The following PDE4D variants were observed in gnomAD, a reference collection of about 807,000 sequenced individuals.
The protein encoded by PDE4D is 3',5'-cyclic-AMP phosphodiesterase 4D.
In PDE4D, 24 loss-of-function variants were observed where a neutral mutation model predicts 87.4. The ratio of observed to expected loss-of-function variants is 0.27; its 90% confidence interval spans 0.20 to 0.39. The LOEUF is 0.39. PDE4D is among the 10% of genes least tolerant of loss of function. The pLI is 1.00. For missense variants in PDE4D, 714 were observed against 1,041.0 expected (o/e 0.69, Z 4.32); for synonymous variants, 384 against 383.2 (o/e 1.00, Z -0.02).
chr5:60,489,113 A>C (rs1039783107), upstream of PDE4D, among the ~76,000 whole-genome samples: 2 of 152,242 alleles, frequency 1.3e-5, no homozygotes, highest in African/African-American at 4.8e-5. Flanking sequence ...AAGCAAAAAA[A>C]TATGTGAAAC....
rs1045109947 is a variant in PDE4D, at chr5:59,697,491, A to T, written c.455+195677T>A. On this transcript the variant is annotated intron_variant, in intron 1 of 14. Coordinates refer to ENST00000340635, the MANE Select transcript of PDE4D (RefSeq NM_001104631.2). ...TACTACAGGTATTCAATGAATATCT[A>T]TCAAGAATTGTTATGTTCCTGCACT... is the stretch of plus-strand genomic sequence containing the variant. Among the ~76,000 whole-genome samples, 39 of 152,202 alleles carry T rather than the reference A, an allele frequency of 2.6e-4. 1 individual carries two copies. The highest frequency in any genetic ancestry group is 9.2e-4 in the African/African-American group (38 of 41,456).
intron 1 of PDE4D, among the ~76,000 whole-genome samples, chr5:59,516,083 AACAATG>A (rs1343776634): frequency 6.6e-6 from 1 of 152,228 alleles, no homozygotes; most frequent in African/African-American, 2.4e-5. Flanking sequence ...ATAGAATGAA[AACAATG>A]ACATTTTATA....
chr5:60,126,407 T>G (rs888037937), intron 2 of PDE4D, among the ~76,000 whole-genome samples: 1 of 152,208 alleles, frequency 6.6e-6, no homozygotes, highest in Non-Finnish European at 1.5e-5. Context: ...CATAGAAATT[T>G]TATTACATAG....
intron 3 of PDE4D, among the ~76,000 whole-genome samples, chr5:59,972,927 T>TA (rs1760934519): frequency 6.6e-6 from 1 of 152,196 alleles, no homozygotes; most frequent in Admixed American, 6.5e-5. Context: ...GATGAATACT[T>TA]AGTTTCACTT....
At chr5:58,994,701 A>G (rs1332264540) in intron 6 of PDE4D, among the ~76,000 whole-genome samples, 2 of 152,176 alleles carry the variant, frequency 1.3e-5, no homozygotes, top group Non-Finnish European at 2.9e-5. Flanking sequence ...CTAACTCTAT[A>G]CCGTTTGCTA....
intron 1 of PDE4D, among the ~76,000 whole-genome samples, chr5:59,672,392 T>A (rs1307779711): frequency 1.3e-5 from 2 of 152,182 alleles, no homozygotes; most frequent in African/African-American, 4.8e-5. Context: ...AAAAAGTTTA[T>A]ATCACCCACA....
intron 1 of PDE4D, among the ~76,000 whole-genome samples, chr5:59,353,575 C>T (rs1251811358): frequency 6.6e-6 from 1 of 152,054 alleles, no homozygotes; most frequent in East Asian, 1.9e-4. Context: ...GTAAGTGGTG[C>T]CCTAATGCTA....
intron 5 of PDE4D, among the ~76,000 whole-genome samples, chr5:59,059,150 G>A (rs746090433): frequency 6.6e-6 from 1 of 152,114 alleles, no homozygotes; most frequent in Non-Finnish European, 1.5e-5. Context: ...TGTAATGATG[G>A]AACAAATTAA....
At chr5:59,436,253 T>G (rs990384583) in intron 1 of PDE4D, among the ~76,000 whole-genome samples, 2 of 152,172 alleles carry the variant, frequency 1.3e-5, no homozygotes, top group Non-Finnish European at 2.9e-5. Flanking sequence ...AAGATTTAAC[T>G]ATCATGAAGG....
chr5:59,904,962 T>C (rs545553696), intron 3 of PDE4D, among the ~76,000 whole-genome samples: 1 of 152,240 alleles, frequency 6.6e-6, no homozygotes, highest in South Asian at 2.1e-4. Context: ...CGGCAGACTC[T>C]CCAACACCTT....
intron 1 of PDE4D, among the ~76,000 whole-genome samples, chr5:59,381,438 T>C (rs892449822): frequency 6.6e-6 from 1 of 152,048 alleles, no homozygotes; most frequent in Non-Finnish European, 1.5e-5. Context: ...TTCCTCTTTA[T>C]TTTTATATAA....
At chr5:59,569,133 T>G (rs1821408815) in intron 1 of PDE4D, among the ~76,000 whole-genome samples, 1 of 152,178 alleles carries the variant, frequency 6.6e-6, no homozygotes, top group Admixed American at 6.5e-5. Flanking sequence ...CTTACTGACA[T>G]AAGCCAATAT....
At chr5:59,000,752 G>A (rs1161460267) in intron 6 of PDE4D, among the ~76,000 whole-genome samples, 3 of 152,132 alleles carry the variant, frequency 2.0e-5, no homozygotes, top group African/African-American at 7.2e-5. Context: ...GCAGTAGTGC[G>A]ATCTTGGCTC....
At chr5:59,518,193 TTGTG>T (rs34669732) in intron 1 of PDE4D, among the ~76,000 whole-genome samples, 3,814 of 149,508 alleles carry the variant, frequency 0.026, 87 homozygotes, top group African/African-American at 0.062. Flanking sequence ...ACTTGTGTGT[TTGTG>T]TGTGTGTGTG....
At chr5:60,091,068 T>C (rs1032156439) in intron 2 of PDE4D, among the ~76,000 whole-genome samples, 3 of 152,128 alleles carry the variant, frequency 2.0e-5, no homozygotes, top group African/African-American at 7.2e-5. Flanking sequence ...CCCATGCTCA[T>C]GAATTGGAAG....
At chr5:59,781,028 T>C (rs943343433) in intron 1 of PDE4D, among the ~76,000 whole-genome samples, 30 of 152,120 alleles carry the variant, frequency 2.0e-4, no homozygotes, top group Non-Finnish European at 3.8e-4. Flanking sequence ...TAGCCACATG[T>C]GCTGGCAGGT....
intron 1 of PDE4D, among the ~76,000 whole-genome samples, chr5:59,257,931 T>G (rs1005673259): frequency 6.6e-6 from 1 of 151,936 alleles, no homozygotes; most frequent in Non-Finnish European, 1.5e-5. Flanking sequence ...TCAGGTCAGA[T>G]ATGTACAGAA....
chr5:58,977,015 TGAAAA>T (rs1228452384), intron 12 of PDE4D, among the ~76,000 whole-genome samples, 171 bp downstream of exon 12: 1 of 152,158 alleles, frequency 6.6e-6, no homozygotes, highest in East Asian at 1.9e-4. Context: ...CTGCTAGAAG[TGAAAA>T]ACCTATTACA....
chr5:59,557,449 GC>G (rs1819141112), intron 1 of PDE4D, among the ~76,000 whole-genome samples: 3 of 151,538 alleles, frequency 2.0e-5, no homozygotes. Flanking sequence ...TGCCGCCATT[GC>G]CGACTGGCTG....
Sources: allele counts gnomAD v4.1 joint callset (sites outside exome capture counted in the v4.1 genomes callset), GRCh38; gene constraint gnomAD v4.1.1; transcripts MANE v1.5; gene names NCBI Gene and HGNC (gene_info 2026-07-23, HGNC 2026-07-21).